PPP1R16B: variants seen among roughly 807,000 people sequenced by gnomAD.
PPP1R16B encodes protein phosphatase 1 regulatory inhibitor subunit 16B.
Under a neutral mutation model 61.7 loss-of-function variants are expected in PPP1R16B, and 14 were observed. That is an observed-to-expected ratio of 0.23 (90% CI 0.15 to 0.35). PPP1R16B has a LOEUF of 0.35. PPP1R16B is among the 10% of genes least tolerant of loss of function. The probability of loss-of-function intolerance (pLI) is 1.00; values close to 1 mark genes in which losing one functional copy is unlikely to be tolerated. For missense variants in PPP1R16B, 547 were observed against 752.5 expected (o/e 0.73, Z 3.19); for synonymous variants, 266 against 305.3 (o/e 0.87, Z 1.34).
At position 38,806,823 on chromosome 20, in the gene PPP1R16B, C is replaced by A. The variant is rs2084665206; in HGVS notation, c.-102+1031C>A. On this transcript the variant is annotated intron_variant, in intron 1 of 10. Coordinates refer to ENST00000299824, the MANE Select transcript of PPP1R16B (RefSeq NM_015568.4). This position sits in a 1 kb window ranked among gnomAD's most constrained non-coding sequence, Gnocchi z 4.5. ...AGCTTTGAATCTGGCCCTCCTGAGA[C>A]CCCAGGGCTGCGCCGCTGCCGCGCG... 6.6e-6 allele frequency among the ~76,000 whole-genome samples: 1 copy of A among 152,164 alleles called. No individual in the cohort carries two copies.
At chr20:38,909,506 G>A (rs2085472259) in intron 10 of PPP1R16B, among the ~76,000 whole-genome samples, 1 of 152,240 alleles carries the variant, frequency 6.6e-6, no homozygotes, top group South Asian at 2.1e-4. Flanking sequence ...CTTTCTTGCT[G>A]AGTGGAGTGA....
intron 2 of PPP1R16B, among the ~76,000 whole-genome samples, chr20:38,871,874 A>G (rs2085132843): frequency 6.6e-6 from 1 of 152,216 alleles, no homozygotes; most frequent in Non-Finnish European, 1.5e-5. Context: ...GTAATTTTAA[A>G]TGTTCTAATA....
intron 1 of PPP1R16B, 38 bp downstream of exon 1, chr20:38,805,830 C>T (rs1231924051): frequency 6.6e-6 from 1 of 152,372 alleles, no homozygotes; most frequent in Non-Finnish European, 1.5e-5. Flanking sequence ...TCCTTGCGCT[C>T]TGCGGCTTCG....
At chr20:38,855,034 T>G (rs1243029470) in intron 2 of PPP1R16B, among the ~76,000 whole-genome samples, 1 of 152,154 alleles carries the variant, frequency 6.6e-6, no homozygotes. Context: ...TGGAAGCCAG[T>G]GGGAAGTGAA....
intron 10 of PPP1R16B, among the ~76,000 whole-genome samples, chr20:38,914,360 G>A (rs527451514): frequency 6.6e-6 from 1 of 152,218 alleles, no homozygotes; most frequent in South Asian, 2.1e-4. Flanking sequence ...TGTGCAGTCA[G>A]CCATTCCCCA....
At chr20:38,894,537 G>C (rs1199351669) in intron 3 of PPP1R16B, among the ~76,000 whole-genome samples, 3 of 152,212 alleles carry the variant, frequency 2.0e-5, no homozygotes, top group East Asian at 3.9e-4. Flanking sequence ...AAGCAATTCT[G>C]ATCATGCTCC....
intron 2 of PPP1R16B, among the ~76,000 whole-genome samples, chr20:38,852,133 G>A (rs1302607114): frequency 6.6e-6 from 1 of 152,230 alleles, no homozygotes; most frequent in Non-Finnish European, 1.5e-5. Context: ...TATCGTTCAA[G>A]GGAGAGGACA....
chr20:38,864,802 C>A (rs1281988573), intron 2 of PPP1R16B, among the ~76,000 whole-genome samples: 1 of 152,170 alleles, frequency 6.6e-6, no homozygotes, highest in African/African-American at 2.4e-5. Context: ...GAGAGGCAGA[C>A]AAGAAGTGGG....
Position 38,879,850 on chromosome 20 carries a change from C to G in PPP1R16B, c.251-9745C>G, listed in dbSNP as rs186760981. Among the ~76,000 whole-genome samples the G allele has an allele frequency of 1.7e-3, 266 of 152,302 alleles. 2 individuals carry two copies. The highest frequency in any genetic ancestry group is 1.2e-3 in the Non-Finnish European group (80 of 68,020). On this transcript the variant is annotated intron_variant, in intron 2 of 10. Coordinates refer to ENST00000299824, the MANE Select transcript of PPP1R16B (RefSeq NM_015568.4). ...GTTTATAGCTACGTGTCTGGGGTCCCCTTGGCCATCTTGTCCTGGTGGTGC... is the reference window on the plus strand; with the variant it reads ...GTTTATAGCTACGTGTCTGGGGTCCGCTTGGCCATCTTGTCCTGGTGGTGC...
intron 2 of PPP1R16B, among the ~76,000 whole-genome samples, chr20:38,838,661 G>A (rs970681817): frequency 1.3e-5 from 2 of 152,212 alleles, no homozygotes; most frequent in Non-Finnish European, 2.9e-5. Flanking sequence ...TGTTGGGGGC[G>A]GAAGTTCATC....
At chr20:38,839,770 T>G (rs2084897971) in intron 2 of PPP1R16B, among the ~76,000 whole-genome samples, 1 of 152,268 alleles carries the variant, frequency 6.6e-6, no homozygotes, top group African/African-American at 2.4e-5. Flanking sequence ...GCCATTATTT[T>G]TATCTGCTGT....
chr20:38,840,856 A>G (rs1027002988), intron 2 of PPP1R16B, among the ~76,000 whole-genome samples: 6 of 152,196 alleles, frequency 3.9e-5, no homozygotes, highest in African/African-American at 1.4e-4. Context: ...ATGATGATGT[A>G]CCCGCTTCAT....
intron 1 of PPP1R16B, among the ~76,000 whole-genome samples, chr20:38,825,505 A>C (rs1236764507): frequency 6.6e-6 from 1 of 152,176 alleles, no homozygotes; most frequent in Non-Finnish European, 1.5e-5. Context: ...GTCCATATGG[A>C]GTAAAATAGG....
At position 38,920,631 on chromosome 20, in the gene PPP1R16B, C is replaced by T. The variant is rs182880596; in HGVS notation, c.*1965C>T. ...TGGCTGGACCAGAAAGTAGAGGGCC[C>T]ATGGGAGTGACTGCACCCTTGGTGG... On this transcript the variant is annotated 3_prime_UTR_variant, in exon 11 of 11. Coordinates refer to ENST00000299824, the MANE Select transcript of PPP1R16B (RefSeq NM_015568.4). The T allele has an allele frequency of 3.2e-3, 483 of 152,778 alleles. 6 individuals carry two copies. The highest frequency in any genetic ancestry group is 0.011 in the African/African-American group (463 of 41,578). The allele number at this position is 152,778 out of a possible 1,614,324, so 9.5% of individuals were successfully genotyped here. A position where few individuals can be genotyped will look rare whatever the true frequency, so the allele number is the denominator to read the frequency against.
At chr20:38,826,639 T>C (rs1233502390) in intron 1 of PPP1R16B, among the ~76,000 whole-genome samples, 2 of 152,248 alleles carry the variant, frequency 1.3e-5, no homozygotes, top group African/African-American at 2.4e-5. Context: ...CTGCTTAAAA[T>C]GGGCCTTGCA....
At chr20:38,821,052 A>AG (rs2084770577) in intron 1 of PPP1R16B, among the ~76,000 whole-genome samples, 1 of 151,532 alleles carries the variant, frequency 6.6e-6, no homozygotes, top group Non-Finnish European at 1.5e-5. Context: ...AAAAAAAAAA[A>AG]AAAAAAATTT....
At position 38,835,818 on chromosome 20, in the gene PPP1R16B, G is replaced by A; in HGVS notation, c.-101-7G>A. On this transcript the variant is annotated splice_region_variant and splice_polypyrimidine_tract_variant and intron_variant, in intron 1 of 10. Transcript: ENST00000299824. ...TGTGTTCATCTGTGTCTCCCTCCCT[G>A]CCACAGGCCACACCATGAGGCCCCA... 7.6e-7 allele frequency: 1 copy of A among 1,315,784 alleles called. No individual in the cohort carries two copies. The highest frequency in any genetic ancestry group is 1.0e-6 in the Non-Finnish European group (1 of 990,504). The allele number at this position is 1,315,784 out of a possible 1,614,324, so 81.5% of individuals were successfully genotyped here. A position where few individuals can be genotyped will look rare whatever the true frequency, so the allele number is the denominator to read the frequency against.
chr20:38,875,105 C>G (rs911043250), intron 2 of PPP1R16B, among the ~76,000 whole-genome samples: 1 of 152,178 alleles, frequency 6.6e-6, no homozygotes, highest in Non-Finnish European at 1.5e-5. Flanking sequence ...GCATTTTTGT[C>G]TATTGCTGGG....
At chr20:38,864,957 C>A (rs1341550226) in intron 2 of PPP1R16B, among the ~76,000 whole-genome samples, 1 of 152,214 alleles carries the variant, frequency 6.6e-6, no homozygotes, top group Non-Finnish European at 1.5e-5. Flanking sequence ...GCTGGGAAAA[C>A]ACCATTAAAT....
Sources: gnomAD v4.1 joint callset for allele counts (sites outside exome capture counted in the v4.1 genomes callset) on GRCh38, gnomAD v4.1.1 for gene constraint, Gnocchi (gnomAD v3.1) non-coding constraint, MANE v1.5 for transcripts, NCBI Gene and HGNC (gene_info 2026-07-23, HGNC 2026-07-21) for gene names.